Variants in SLC12A2 observed in about 807,000 individuals in gnomAD.
SLC12A2 encodes the protein Na-K-2Cl cotransporter 1.
SLC12A2 carries 67 observed loss-of-function variants against 136.3 expected under a neutral mutation model. The observed-to-expected ratio is 0.49, with a 90% confidence interval of 0.40 to 0.60. SLC12A2 has a LOEUF of 0.60. Among genes scored for constraint, SLC12A2 ranks in the 20% least tolerant of loss-of-function variants. SLC12A2 has a pLI of 0.00. For missense variants in SLC12A2, 1,322 were observed against 1,534.7 expected (o/e 0.86, Z 2.32); for synonymous variants, 619 against 562.9 (o/e 1.10, Z -1.41).
At chr5:128,180,856 A>G (rs767216124) in intron 22 of SLC12A2, 27 bp from the exon 23 acceptor site, 1 of 1,309,168 alleles carries the variant, frequency 7.6e-7, no homozygotes, top group Non-Finnish European at 1.1e-6. Flanking sequence ...CATTTAGTAA[A>G]TGATTTATTA....
At chr5:128,172,933 A>G (rs537344455) in intron 19 of SLC12A2, among the ~76,000 whole-genome samples, 1 of 152,090 alleles carries the variant, frequency 6.6e-6, no homozygotes, top group Non-Finnish European at 1.5e-5. Context: ...CCTGGGTGAC[A>G]AGAGCAAGAC....
At chr5:128,086,956 A>C (rs971203164) in intron 1 of SLC12A2, among the ~76,000 whole-genome samples, 9 of 152,210 alleles carry the variant, frequency 5.9e-5, no homozygotes, top group African/African-American at 9.7e-5. Context: ...CAGTCGATTG[A>C]TTGGCATATA....
intron 9 of SLC12A2, among the ~76,000 whole-genome samples, chr5:128,140,800 C>T (rs1218388254): frequency 6.6e-6 from 1 of 151,890 alleles, no homozygotes; most frequent in Non-Finnish European, 1.5e-5. Context: ...TATTCTCCCC[C>T]CATTCCCCAG....
At chr5:128,145,209 C>T (rs1380013146) in intron 10 of SLC12A2, among the ~76,000 whole-genome samples, 1 of 152,064 alleles carries the variant, frequency 6.6e-6, no homozygotes, top group African/African-American at 2.4e-5. Context: ...ATTGTTTCCT[C>T]AACATGGAAG....
intron 4 of SLC12A2, among the ~76,000 whole-genome samples, chr5:128,122,142 C>CT (rs1220106189): frequency 5.3e-5 from 8 of 152,162 alleles, no homozygotes; most frequent in African/African-American, 4.8e-5. Flanking sequence ...ATTTAGTTGA[C>CT]TAAGTTAAAA....
chr5:128,098,753 G>T (rs574290620), intron 1 of SLC12A2, among the ~76,000 whole-genome samples: 46 of 151,992 alleles, frequency 3.0e-4, no homozygotes, highest in African/African-American at 1.1e-3. Context: ...GTATTTTATG[G>T]TTTCCAGCTA....
rs1344192328 is a variant in SLC12A2 at position 128,084,279 on chromosome 5, G to A, written c.325G>A (p.Ala109Thr). The A allele has an allele frequency of 2.1e-6, 3 of 1,426,570 alleles. No individual in the cohort carries two copies. Among genetic ancestry groups the A allele is most frequent in the African/African-American group, 1.5e-5 (1 of 67,004 alleles). 88.4% of individuals were successfully genotyped at this position (1,426,570 alleles called of 1,614,324 possible). ...GGCGGCGGCAGCGGCGGCGGCTGGT[G>A]CTGGGGCGGGGGCCAAGCAGACCCC... ...AAAAAAAAAG[A>T]GAGAKQTPAD... The change falls in exon 1 of 27, where the codon GCT becomes ACT. Residue 109 changes from alanine (A) to threonine (T), a missense_variant. By Grantham distance (58) the Ala-to-Thr change is moderately conservative. Transcript: ENST00000262461. This position sits in a 1 kb window ranked among gnomAD's most constrained non-coding sequence, Gnocchi z 5.6.
chr5:128,182,465 G>C (rs1427401370), intron 23 of SLC12A2, among the ~76,000 whole-genome samples: 2 of 152,112 alleles, frequency 1.3e-5, no homozygotes, highest in Non-Finnish European at 2.9e-5. Flanking sequence ...CCTGAGATAA[G>C]TGTTCTTGGA....
intron 1 of SLC12A2, among the ~76,000 whole-genome samples, chr5:128,091,177 G>T (rs559002650): frequency 1.3e-5 from 2 of 152,262 alleles, no homozygotes; most frequent in South Asian, 4.1e-4. Flanking sequence ...AGGTAGAATT[G>T]TTGGGATTTG....
At chr5:128,142,883 C>G (rs182202767) in intron 10 of SLC12A2, among the ~76,000 whole-genome samples, 4 of 151,950 alleles carry the variant, frequency 2.6e-5, no homozygotes, top group African/African-American at 7.3e-5. Context: ...TATATTTTCA[C>G]TTCAGTAGTT....
intron 1 of SLC12A2, among the ~76,000 whole-genome samples, chr5:128,102,156 T>C (rs1335947496): frequency 4.6e-5 from 7 of 152,218 alleles, no homozygotes; most frequent in Admixed American, 4.6e-4. Context: ...TTTATTAATG[T>C]CAGGCAGTGT....
chr5:128,121,549 C>G (rs1283441240), intron 4 of SLC12A2, among the ~76,000 whole-genome samples: 1 of 151,950 alleles, frequency 6.6e-6, no homozygotes, highest in Non-Finnish European at 1.5e-5. Flanking sequence ...GTCTCGATCT[C>G]CTGATCTCGT....
intron 8 of SLC12A2, 40 bp from the exon 9 acceptor site, chr5:128,138,783 AT>A (rs2126708253): frequency 6.3e-7 from 1 of 1,599,972 alleles, no homozygotes; most frequent in Non-Finnish European, 8.5e-7. Flanking sequence ...TTGTATATTT[AT>A]TTTTACAGAT....
chr5:128,126,253 A>G (rs1761790990), intron 4 of SLC12A2, among the ~76,000 whole-genome samples: 1 of 152,218 alleles, frequency 6.6e-6, no homozygotes. Flanking sequence ...CAGTTTAAAA[A>G]TGGGTAAAAG....
intron 4 of SLC12A2, among the ~76,000 whole-genome samples, chr5:128,120,622 C>T (rs896126283): frequency 3.3e-5 from 5 of 151,378 alleles, no homozygotes; most frequent in African/African-American, 1.2e-4. Flanking sequence ...AAAAACCAAA[C>T]ACTGCATGTT....
At position 128,186,654 on chromosome 5, in the gene SLC12A2, C is replaced by T. The variant is rs1420980396; in HGVS notation, c.*23C>T. ...TAAATGTTCTATACAGTGGACAGCC[C>T]TCCAGAATGGTACTTCAGTGCCTAG... On this transcript the variant is annotated 3_prime_UTR_variant, in exon 27 of 27. Transcript: ENST00000262461. 6.2e-7 allele frequency: 1 copy of T among 1,612,358 alleles called. No homozygotes were observed. Among genetic ancestry groups the T allele is most frequent in the Non-Finnish European group, 8.5e-7 (1 of 1,178,990 alleles).
chr5:128,133,159 A>C (rs948528777), intron 5 of SLC12A2, among the ~76,000 whole-genome samples: 6 of 152,110 alleles, frequency 3.9e-5, no homozygotes, highest in Non-Finnish European at 8.8e-5. Flanking sequence ...AATCAAATTT[A>C]AAAAAACACT....
intron 5 of SLC12A2, among the ~76,000 whole-genome samples, chr5:128,133,431 T>C (rs916812531): frequency 1.3e-5 from 2 of 152,114 alleles, no homozygotes; most frequent in African/African-American, 4.8e-5. Flanking sequence ...TAATTTCTTT[T>C]GAAAAGCATT....
At chr5:128,185,166 A>G (rs1763828250) in intron 26 of SLC12A2, among the ~76,000 whole-genome samples, 1 of 152,128 alleles carries the variant, frequency 6.6e-6, no homozygotes, top group African/African-American at 2.4e-5. Flanking sequence ...GCCGTTAAGC[A>G]CGTGTGGATA....
Sources: allele counts gnomAD v4.1 joint callset (sites outside exome capture counted in the v4.1 genomes callset), GRCh38; gene constraint gnomAD v4.1.1; non-coding constraint Gnocchi (gnomAD v3.1); transcripts MANE v1.5; gene names NCBI Gene and HGNC (gene_info 2026-07-23, HGNC 2026-07-21).